THAP4: variants seen among roughly 807,000 people sequenced by gnomAD.
THAP4 encodes peroxynitrite isomerase THAP4.
In THAP4, 18 loss-of-function variants were observed where a neutral mutation model predicts 48.1. The ratio of observed to expected loss-of-function variants is 0.37; its 90% CI spans 0.26 to 0.56. The LOEUF is 0.56. Ranked by LOEUF, THAP4 falls within the 20% of genes least tolerant of loss-of-function variation. THAP4 has a pLI of 0.78. For synonymous variants in THAP4, 345 were observed against 324.9 expected, an observed-to-expected ratio of 1.06 and a Z score of -0.66; for missense variants, 656 against 774.9, an observed-to-expected ratio of 0.85 and a Z score of 1.82.
At chr2:241,621,117 G>C (rs530330205) in intron 2 of THAP4, among the ~76,000 whole-genome samples, 6 of 152,184 alleles carry the variant, frequency 3.9e-5, no homozygotes, top group African/African-American at 1.4e-4. Context: ...GGAGGCCAAG[G>C]TGGGTGGATC....
intron 2 of THAP4, among the ~76,000 whole-genome samples, chr2:241,620,077 GTGA>G (rs2067404369): frequency 1.5e-5 from 1 of 68,560 alleles, no homozygotes; most frequent in African/African-American, 5.6e-5. Flanking sequence ...TGAGTGAGTC[GTGA>G]GTGAGGGGTG....
At chr2:241,584,821 G>T in intron 5 of THAP4, 96 bp from the exon 6 acceptor site, 1 of 1,504,006 alleles carries the variant, frequency 6.6e-7, no homozygotes, top group Non-Finnish European at 9.2e-7. Context: ...CTCATCACGG[G>T]CTGTGAGCCA....
At chr2:241,588,743 G>GT (rs1402322476) in intron 5 of THAP4, among the ~76,000 whole-genome samples, 3 of 152,136 alleles carry the variant, frequency 2.0e-5, no homozygotes, top group African/African-American at 7.2e-5. Flanking sequence ...TGGAAAAAAC[G>GT]TGACTACTAC....
Position 241,637,152 on chromosome 2 carries a change from GC to G in THAP4, c.-136del. 7 of 990,518 alleles carry G rather than the reference GC, an allele frequency of 7.1e-6. No individual in the cohort carries two copies. The highest frequency in any genetic ancestry group is 8.4e-6 in the Non-Finnish European group (7 of 834,712). The allele number at this position is 990,518 out of a possible 1,614,324, so 61.4% of individuals were successfully genotyped here. On this transcript the variant is annotated 5_prime_UTR_variant, in exon 1 of 6. Coordinates refer to ENST00000407315, the MANE Select transcript of THAP4 (RefSeq NM_015963.6). Reference sequence around the variant, plus strand: ...CGGCCCGCGGCGTCCGCGCCGTACGGCAAGATGGAGGCGCAGGCGCCCGCAG... The same window carrying G: ...CGGCCCGCGGCGTCCGCGCCGTACGGAAGATGGAGGCGCAGGCGCCCGCAG...
At chr2:241,602,821 G>C (rs2067131690) in intron 4 of THAP4, 149 bp downstream of exon 4, 3 of 650,506 alleles carry the variant, frequency 4.6e-6, no homozygotes, top group Admixed American at 4.7e-5. Flanking sequence ...CAGGCTCCCA[G>C]GACCACTCTC....
chr2:241,633,921 G>T lies in THAP4; in HGVS notation c.236C>A (p.Thr79Lys), dbSNP rs1187746741. 6.2e-7 allele frequency: 1 copy of T among 1,614,114 alleles called. No individual in the cohort carries two copies. Among genetic ancestry groups the T allele is most frequent in the Non-Finnish European group, 8.5e-7 (1 of 1,180,014 alleles). The change falls in exon 2 of 6, where the codon ACG becomes AAG. Residue 79 changes from threonine to lysine, a missense_variant. Coordinates refer to ENST00000407315, the MANE Select transcript of THAP4 (RefSeq NM_015963.6). The surrounding 1 kb of genome is among the most constrained non-coding windows in gnomAD (Gnocchi z 7.5). ...CAGGTGGAAGATGGATGGCACGGCC[G>T]TGGGCTTCAGCAGGCGATGCTGGTC... The part of the protein sequence containing the change: ...LEDQHRLLKP[T>K]AVPSIFHLTE...
chr2:241,585,498 A>G (rs139694481), intron 5 of THAP4, among the ~76,000 whole-genome samples: 2,271 of 152,274 alleles, frequency 0.015, 51 homozygotes, highest in African/African-American at 0.052. Flanking sequence ...ATAACAACCC[A>G]GGTTTTAAGA....
rs1266907819 is a variant in THAP4, at chr2:241,616,608, C to G, written c.1241-10135G>C. Among the ~76,000 whole-genome samples the G allele has an allele frequency of 6.6e-6, 1 of 152,194 alleles. No homozygotes were observed. Among genetic ancestry groups the G allele is most frequent in the Non-Finnish European group, 1.5e-5 (1 of 68,030 alleles). On this transcript the variant is annotated intron_variant, in intron 2 of 5. Coordinates refer to ENST00000407315, the MANE Select transcript of THAP4 (RefSeq NM_015963.6). This position sits in a 1 kb window ranked among gnomAD's most constrained non-coding sequence, Gnocchi z 4.6. ...TCAGGGGCACAGGGCCCACACCACA[C>G]TTGGGGACAGGACAGGACGCAGCAC...
In THAP4 at chr2:241,633,706, C is replaced by A; in HGVS notation, c.451G>T (p.Gly151Cys). 1.9e-6 allele frequency: 3 copies of A among 1,611,690 alleles called. No individual in the cohort carries two copies. The highest frequency in any genetic ancestry group is 2.5e-6 in the Non-Finnish European group (3 of 1,179,404). The stretch of plus-strand genomic sequence containing the variant: ...TGGGCCGCCCTGGGTGTGGCTTCAC[C>A]TTGCAGAGCAGCTTGCTTCAACCTG... ...SRRLKQAALQ[G>C]EATPRAAQEA... The change falls in exon 2 of 6, where the codon GGT becomes TGT. Residue 151 changes from glycine to cysteine, a missense_variant. Physicochemically the swap from Gly to Cys is radical, Grantham distance 159. Around this residue, in one of 4 missense-constraint regions of THAP4, gnomAD observed 391 missense variants for 412.4 expected, o/e 0.95. Coordinates refer to ENST00000407315, the MANE Select transcript of THAP4 (RefSeq NM_015963.6). This position sits in a 1 kb window ranked among gnomAD's most constrained non-coding sequence, Gnocchi z 7.5.
At chr2:241,637,329 A>C, upstream of THAP4, 1 of 1,257,140 alleles carries the variant, frequency 8.0e-7, no homozygotes, top group Non-Finnish European at 1.0e-6. Context: ...GCAAGTCCGT[A>C]CCGCGACATG....
chr2:241,610,534 C>A lies in THAP4; in HGVS notation c.1241-4061G>T, dbSNP rs186197532. Among the ~76,000 whole-genome samples, 569 of 152,286 alleles carry A rather than the reference C, an allele frequency of 3.7e-3. No individual in the cohort carries two copies. The highest frequency in any genetic ancestry group is 0.013 in the African/African-American group (534 of 41,566). ...AGAGCAGAGGCGGGAGCCTCGCCAG[C>A]CCCTCCACAGACCACAGCGACCGCG... On this transcript the variant is annotated intron_variant, in intron 2 of 5. Coordinates refer to ENST00000407315, the MANE Select transcript of THAP4 (RefSeq NM_015963.6). This position sits in a 1 kb window ranked among gnomAD's most constrained non-coding sequence, Gnocchi z 4.2.
chr2:241,634,269 A>T (rs1378045423), intron 1 of THAP4, among the ~76,000 whole-genome samples, 190 bp from the exon 2 acceptor site: 1 of 152,236 alleles, frequency 6.6e-6, no homozygotes, highest in Non-Finnish European at 1.5e-5. Flanking sequence ...TAGAAATCTG[A>T]AAGACCCGTT....
At chr2:241,594,734 G>A (rs1394078150) in intron 5 of THAP4, 1 of 167,214 alleles carries the variant, frequency 6.0e-6, no homozygotes, top group East Asian at 1.7e-4. Flanking sequence ...TTCCAGCCTA[G>A]GTGATGGAAT....
At chr2:241,595,952 G>A (rs376295462) in intron 5 of THAP4, among the ~76,000 whole-genome samples, 2 of 152,188 alleles carry the variant, frequency 1.3e-5, no homozygotes, top group East Asian at 3.9e-4. Context: ...TGCGATGCTG[G>A]GCAATGGAGC....
At position 241,611,316 on chromosome 2, in the gene THAP4, GC is replaced by G. The variant is rs199717952; in HGVS notation, c.1241-4844del. Among the ~76,000 whole-genome samples, 1,352 of 152,292 alleles carry G rather than the reference GC, an allele frequency of 8.9e-3. 12 individuals carry two copies. The highest frequency in any genetic ancestry group is 0.017 in the Middle Eastern group (5 of 294). ...AAACAGCAGGCCCAGGGCACCCCAC[GC>G]GTCTGCCCAGGACACCCCAGGTGTT... On this transcript the variant is annotated intron_variant, in intron 2 of 5. Coordinates refer to ENST00000407315, the MANE Select transcript of THAP4 (RefSeq NM_015963.6).
intron 5 of THAP4, among the ~76,000 whole-genome samples, chr2:241,600,849 C>T (rs1457699128): frequency 6.6e-6 from 1 of 151,962 alleles, no homozygotes; most frequent in African/African-American, 2.4e-5. Context: ...GAGGCAACAA[C>T]AGGAAAGCTG....
intron 2 of THAP4, among the ~76,000 whole-genome samples, chr2:241,620,859 G>A (rs2067421778): frequency 6.6e-6 from 1 of 152,050 alleles, no homozygotes; most frequent in South Asian, 2.1e-4. Flanking sequence ...GGACTACCAT[G>A]GTGTATGTGG....
intron 5 of THAP4, among the ~76,000 whole-genome samples, chr2:241,599,217 A>C (rs2067084424): frequency 6.6e-6 from 1 of 151,038 alleles, no homozygotes; most frequent in South Asian, 2.1e-4. Context: ...GTGCCACTGC[A>C]TTCCAGCCTG....
In THAP4 at chr2:241,633,783, G is replaced by A; in HGVS notation, c.374C>T (p.Ala125Val). The change falls in exon 2 of 6, where the codon GCA becomes GTA. Residue 125 changes from alanine (A) to valine (V), a missense_variant. Coordinates refer to ENST00000407315, the MANE Select transcript of THAP4 (RefSeq NM_015963.6). This position sits in a 1 kb window ranked among gnomAD's most constrained non-coding sequence, Gnocchi z 7.5. ...TCCACTCGAGGACGGTGACCAACCT[G>A]CAGCTCCTCTGCTGGTGGCGGCACT... ...HSSAATSRGAAGWSPSSSGNP... is the reference protein window; with the variant it reads ...HSSAATSRGAVGWSPSSSGNP... The A allele has an allele frequency of 6.2e-7, 1 of 1,613,694 alleles. No individual in the cohort carries two copies. Among genetic ancestry groups the A allele is most frequent in the Non-Finnish European group, 8.5e-7 (1 of 1,179,672 alleles).
Sources: gnomAD v4.1 joint callset for allele counts (sites outside exome capture counted in the v4.1 genomes callset) on GRCh38, gnomAD v4.1.1 for gene constraint, gnomAD v4.1.1 regional missense constraint, Gnocchi (gnomAD v3.1) non-coding constraint, MANE v1.5 for transcripts, NCBI Gene and HGNC (gene_info 2026-07-23, HGNC 2026-07-21) for gene names.